Variants in AK9 observed in about 807,000 individuals in gnomAD.
The protein encoded by AK9 is adenylate kinase domain containing 1.
In AK9, 191 loss-of-function variants were observed where a neutral mutation model predicts 239.6. The observed-to-expected ratio is 0.80, with a 90% CI of 0.71 to 0.90. The LOEUF is 0.90. Among genes scored for constraint, AK9 ranks in the 40% least tolerant of loss-of-function variants. The pLI is 0.00. For synonymous variants in AK9, 689 were observed against 721.0 expected, an observed-to-expected ratio of 0.96 and a Z score of 0.71; for missense variants, 1,995 against 2,214.7, an observed-to-expected ratio of 0.90 and a Z score of 1.99.
At chr6:109,660,387 G>C (rs560315599) in intron 6 of AK9, among the ~76,000 whole-genome samples, 1 of 152,288 alleles carries the variant, frequency 6.6e-6, no homozygotes, top group East Asian at 1.9e-4. Context: ...GTGAGGCTTA[G>C]ATTCTTCAAC....
chr6:109,499,731 T>C (rs1246642653), intron 35 of AK9, among the ~76,000 whole-genome samples: 1 of 152,130 alleles, frequency 6.6e-6, no homozygotes, highest in African/African-American at 2.4e-5. Flanking sequence ...CCCAAGTAGC[T>C]AGGATTACAG....
intron 20 of AK9, among the ~76,000 whole-genome samples, chr6:109,576,014 C>A (rs1414507179): frequency 1.3e-5 from 2 of 152,138 alleles, no homozygotes; most frequent in African/African-American, 4.8e-5. Flanking sequence ...GTTCTCTATT[C>A]TGTTCCATTG....
intron 12 of AK9, among the ~76,000 whole-genome samples, chr6:109,630,029 C>G (rs910906263): frequency 6.6e-6 from 1 of 152,058 alleles, no homozygotes; most frequent in African/African-American, 2.4e-5. Context: ...AATTATAAGA[C>G]CCTTGCACTA....
chr6:109,551,649 C>T (rs1784372956), intron 24 of AK9, among the ~76,000 whole-genome samples: 1 of 151,974 alleles, frequency 6.6e-6, no homozygotes, highest in South Asian at 2.1e-4. Flanking sequence ...AAAGCCTCCC[C>T]CACCTATTAT....
At chr6:109,520,857 T>A (rs1779786680) in intron 29 of AK9, among the ~76,000 whole-genome samples, 1 of 152,304 alleles carries the variant, frequency 6.6e-6, no homozygotes, top group African/African-American at 2.4e-5. Context: ...TATTTTATTC[T>A]TTTGGTGGCT....
intron 24 of AK9, among the ~76,000 whole-genome samples, chr6:109,554,868 C>T (rs966328792): frequency 1.3e-5 from 2 of 152,086 alleles, no homozygotes; most frequent in African/African-American, 4.8e-5. Context: ...GTGGTGATAT[C>T]CCCTTTGTCA....
At position 109,606,215 on chromosome 6, in the gene AK9, A is replaced by G. The variant is rs1045598744; in HGVS notation, c.1842+4150T>C. On this transcript the variant is annotated intron_variant, in intron 17 of 40. Coordinates refer to ENST00000424296, the MANE Select transcript of AK9 (RefSeq NM_001145128.3). ...TACTATTTCTGGATTCCCTTACTCT[A>G]TACTATTTTATGTTTACTTTATATT... 9.2e-5 allele frequency among the ~76,000 whole-genome samples: 14 copies of G among 152,146 alleles called. No individual in the cohort carries two copies. In the South Asian group the frequency reaches 1.0e-3, roughly 11 times the overall value.
intron 8 of AK9, among the ~76,000 whole-genome samples, chr6:109,653,422 G>A (rs1583443896): frequency 6.6e-6 from 1 of 152,298 alleles, no homozygotes; most frequent in South Asian, 2.1e-4. Flanking sequence ...TTCCTGTGGT[G>A]AGGTTCAGCA....
intron 12 of AK9, among the ~76,000 whole-genome samples, chr6:109,621,724 A>C (rs1349188705): frequency 2.0e-4 from 26 of 132,322 alleles, no homozygotes; most frequent in Non-Finnish European, 3.3e-4. Flanking sequence ...GGGGAATATC[A>C]CACTCTGGGG....
intron 1 of AK9, among the ~76,000 whole-genome samples, chr6:109,687,518 T>C (rs1439461415): frequency 6.6e-6 from 1 of 152,200 alleles, no homozygotes; most frequent in African/African-American, 2.4e-5. Flanking sequence ...AGCTGCCATG[T>C]TGTGAGAGGA....
chr6:109,586,170 T>C (rs1789482606), intron 17 of AK9, 98 bp from the exon 18 acceptor site: 2 of 1,063,922 alleles, frequency 1.9e-6, no homozygotes, highest in Non-Finnish European at 1.3e-6. Flanking sequence ...AAGTATCTTT[T>C]GAGTTCTTCT....
intron 1 of AK9, among the ~76,000 whole-genome samples, chr6:109,681,743 T>G (rs2128353300): frequency 6.6e-6 from 1 of 152,194 alleles, no homozygotes; most frequent in South Asian, 2.1e-4. Context: ...CATAACAGTC[T>G]CTCAGACCAC....
chr6:109,546,752 G>C, intron 25 of AK9, among the ~76,000 whole-genome samples: 1 of 152,126 alleles, frequency 6.6e-6, no homozygotes, highest in East Asian at 1.9e-4. Flanking sequence ...AGAAAAATTA[G>C]AATGACATGA....
chr6:109,599,250 T>C (rs2128226702), intron 17 of AK9, among the ~76,000 whole-genome samples: 1 of 152,346 alleles, frequency 6.6e-6, no homozygotes, highest in South Asian at 2.1e-4. Flanking sequence ...TTAATTTTTG[T>C]ATAAGGTGTA....
At chr6:109,674,124 G>C in intron 3 of AK9, 74 bp downstream of exon 3, 1 of 1,265,392 alleles carries the variant, frequency 7.9e-7, no homozygotes, top group Non-Finnish European at 1.1e-6. Flanking sequence ...GGCATTCACT[G>C]TATAATTATC....
At chr6:109,632,718 G>A (rs1307272142) in intron 12 of AK9, 2 of 1,218,742 alleles carry the variant, frequency 1.6e-6, no homozygotes, top group Non-Finnish European at 2.1e-6. Context: ...CTCTGGTCTG[G>A]AAGCAGCAAT....
chr6:109,505,054 T>C (rs1241305853), intron 35 of AK9, among the ~76,000 whole-genome samples: 1 of 152,236 alleles, frequency 6.6e-6, no homozygotes, highest in East Asian at 1.9e-4. Flanking sequence ...GAGATATTTC[T>C]AAAAATTCAA....
At position 109,587,718 on chromosome 6, in the gene AK9, G is replaced by A. The variant is rs546937214; in HGVS notation, c.1843-1646C>T. Reference sequence around the variant, plus strand: ...ACTAATGAACACTTAGGTTGATTCCGCGGCATTGTTATTGTTAATAGCGCT... The same window carrying A: ...ACTAATGAACACTTAGGTTGATTCCACGGCATTGTTATTGTTAATAGCGCT... On this transcript the variant is annotated intron_variant, in intron 17 of 40. Transcript: ENST00000424296. Among the ~76,000 whole-genome samples, 36 of 152,200 alleles carry A rather than the reference G, an allele frequency of 2.4e-4. 2 individuals are homozygous for A. The South Asian group carries it at 7.3e-3, about 31-fold the overall frequency.
At position 109,517,107 on chromosome 6, in the gene AK9, C is replaced by G. The variant is rs561037097; in HGVS notation, c.3634-465G>C. 1.3e-4 allele frequency among the ~76,000 whole-genome samples: 20 copies of G among 152,224 alleles called. No individual in the cohort carries two copies. In the South Asian group the frequency reaches 2.5e-3, roughly 19 times the overall value. ...TCAATGTGGAGCGGGTTCACTGTCT[C>G]AGTTTTCTGCCTGGCTCCTGGTGTA... is the stretch of plus-strand genomic sequence containing the variant. On this transcript the variant is annotated intron_variant, in intron 29 of 40. Coordinates refer to ENST00000424296, the MANE Select transcript of AK9 (RefSeq NM_001145128.3).
Sources: gnomAD v4.1 joint callset for allele counts (sites outside exome capture counted in the v4.1 genomes callset) on GRCh38, gnomAD v4.1.1 for gene constraint, MANE v1.5 for transcripts, NCBI Gene and HGNC (gene_info 2026-07-23, HGNC 2026-07-21) for gene names.